The following RAF1 variants were observed in gnomAD, a reference collection of about 807,000 sequenced individuals.
The protein encoded by RAF1 is RAF proto-oncogene serine/threonine-protein kinase.
In RAF1, 27 loss-of-function variants were observed where a neutral mutation model predicts 81.1. The observed-to-expected ratio is 0.33, with a 90% CI of 0.25 to 0.46. The LOEUF is 0.46. Among genes scored for constraint, RAF1 ranks in the 20% least tolerant of loss-of-function variants. The probability of loss-of-function intolerance (pLI) is 1.00; values close to 1 mark genes in which losing one functional copy is unlikely to be tolerated. For synonymous variants in RAF1, 298 were observed against 294.0 expected (o/e 1.01, Z -0.14); for missense variants, 598 against 826.0 (o/e 0.72, Z 3.38).
intron 1 of RAF1, among the ~76,000 whole-genome samples, chr3:12,651,772 G>A (rs1449091700): frequency 1.3e-5 from 2 of 151,868 alleles, no homozygotes; most frequent in African/African-American, 4.8e-5. Context: ...CATTTTGGGA[G>A]GCCAAGGCGG....
chr3:12,617,987 T>TA (rs2059430496), intron 2 of RAF1, among the ~76,000 whole-genome samples: 1 of 150,784 alleles, frequency 6.6e-6, no homozygotes, highest in African/African-American at 2.4e-5. Flanking sequence ...ACTGAAAAAA[T>TA]AAACTACGCA....
intron 1 of RAF1, among the ~76,000 whole-genome samples, chr3:12,659,005 C>A (rs551988858): frequency 2.0e-5 from 3 of 152,154 alleles, no homozygotes; most frequent in African/African-American, 7.2e-5. Context: ...TAGAGCTACG[C>A]AAGTCATTCT....
intron 5 of RAF1, among the ~76,000 whole-genome samples, chr3:12,607,662 A>C (rs186946900): frequency 6.6e-6 from 1 of 150,432 alleles, no homozygotes; most frequent in Non-Finnish European, 1.5e-5. Flanking sequence ...AAATAATAAT[A>C]AAAAAAAAGG....
In RAF1 at chr3:12,625,302, T is replaced by G. The variant is rs1024155014; in HGVS notation, c.-26-6555A>C. Among the ~76,000 whole-genome samples, 3 of 152,196 alleles carry G rather than the reference T, an allele frequency of 2.0e-5. No individual in the cohort carries two copies. The East Asian group carries it at 5.8e-4, about 29-fold the overall frequency. On this transcript the variant is annotated intron_variant, in intron 1 of 17. Transcript: ENST00000442415. ...TTAATCATGTTGCCCAGGCTGGTCT[T>G]GAACTCCCAACCTCAGGTGATCCAC...
chr3:12,644,495 A>G (rs1399762361), intron 1 of RAF1, among the ~76,000 whole-genome samples: 1 of 152,192 alleles, frequency 6.6e-6, no homozygotes, highest in Non-Finnish European at 1.5e-5. Context: ...TAAGTGTACA[A>G]GAACTACAAG....
intron 5 of RAF1, 35 bp from the exon 6 acceptor site, chr3:12,606,334 T>C: frequency 6.7e-7 from 1 of 1,491,770 alleles, no homozygotes; most frequent in Non-Finnish European, 9.3e-7. Context: ...GTTTTTAGGC[T>C]TGCAGTAATC....
intron 1 of RAF1, among the ~76,000 whole-genome samples, chr3:12,635,527 T>C (rs1407329084): frequency 2.7e-5 from 4 of 150,080 alleles, no homozygotes; most frequent in African/African-American, 7.4e-5. Context: ...TCCCAGCTAC[T>C]TGGGAGGCTG....
chr3:12,623,245 T>G (rs1471250088), intron 1 of RAF1, among the ~76,000 whole-genome samples: 4 of 152,116 alleles, frequency 2.6e-5, no homozygotes, highest in Admixed American at 2.0e-4. Flanking sequence ...ATTGACTGAT[T>G]CCAATCGATT....
intron 1 of RAF1, among the ~76,000 whole-genome samples, chr3:12,650,675 G>C (rs1185615996): frequency 6.6e-6 from 1 of 152,150 alleles, no homozygotes; most frequent in Admixed American, 6.6e-5. Flanking sequence ...AAAGTTCAGG[G>C]AGACATGGTC....
chr3:12,615,583 G>A (rs1210512809), intron 2 of RAF1, among the ~76,000 whole-genome samples: 1 of 152,150 alleles, frequency 6.6e-6, no homozygotes, highest in Non-Finnish European at 1.5e-5. Flanking sequence ...TGCGTGCCTG[G>A]TGAAAGCAGC....
At chr3:12,585,642 C>CTAG (rs1201907191) in intron 15 of RAF1, 39 bp downstream of exon 14, 1 of 1,522,300 alleles carries the variant, frequency 6.6e-7, no homozygotes, top group Admixed American at 1.7e-5. Context: ...TTCCTTTTGC[C>CTAG]CTATACCAGA....
At chr3:12,643,361 T>A (rs546187836) in intron 1 of RAF1, among the ~76,000 whole-genome samples, 77 of 152,020 alleles carry the variant, frequency 5.1e-4, no homozygotes, top group African/African-American at 1.8e-3. Context: ...ACAACACTCT[T>A]GGGTATGCAA....
chr3:12,643,886 A>AAT (rs1335388599), intron 1 of RAF1, among the ~76,000 whole-genome samples: 8 of 152,202 alleles, frequency 5.3e-5, no homozygotes, highest in Admixed American at 3.9e-4. Flanking sequence ...GGGTTGTGAT[A>AAT]AAGGCATTTT....
intron 11 of RAF1, among the ~76,000 whole-genome samples, chr3:12,598,777 G>T (rs2058770588): frequency 1.4e-5 from 2 of 144,258 alleles, no homozygotes; most frequent in Admixed American, 1.4e-4. Flanking sequence ...AAAACTGGAG[G>T]TGTTTGATAT....
chr3:12,601,809 G>T (rs1345067412), intron 8 of RAF1, among the ~76,000 whole-genome samples: 1 of 152,132 alleles, frequency 6.6e-6, no homozygotes, highest in African/African-American at 2.4e-5. Context: ...GAGTGATTCT[G>T]ACTCTGGAAA....
At chr3:12,637,168 G>C (rs1249583832) in intron 1 of RAF1, among the ~76,000 whole-genome samples, 1 of 152,144 alleles carries the variant, frequency 6.6e-6, no homozygotes, top group South Asian at 2.1e-4. Context: ...CAATTTTTAA[G>C]TGTATTATAC....
intron 11 of RAF1, among the ~76,000 whole-genome samples, chr3:12,592,484 C>T (rs1278881394): frequency 1.3e-5 from 2 of 152,148 alleles, no homozygotes; most frequent in African/African-American, 2.4e-5. Context: ...CTCACAGCTG[C>T]CCTCTGACGT....
At chr3:12,625,024 T>C (rs566076280) in intron 1 of RAF1, among the ~76,000 whole-genome samples, 1 of 152,220 alleles carries the variant, frequency 6.6e-6, no homozygotes, top group South Asian at 2.1e-4. Flanking sequence ...TATGTTTATA[T>C]ATAAAGTAGG....
intron 11 of RAF1, among the ~76,000 whole-genome samples, chr3:12,595,229 C>T (rs1191172637): frequency 6.6e-6 from 1 of 152,012 alleles, no homozygotes; most frequent in African/African-American, 2.4e-5. Flanking sequence ...TGCATCACCA[C>T]GCCCACCTAA....
Sources: gnomAD v4.1 joint callset for allele counts (sites outside exome capture counted in the v4.1 genomes callset) on GRCh38, gnomAD v4.1.1 for gene constraint, MANE v1.5 for transcripts, NCBI Gene and HGNC (gene_info 2026-07-23, HGNC 2026-07-21) for gene names.